Variants in GIPC2 observed in about 807,000 individuals in gnomAD.
GIPC2 encodes the protein PDZ domain-containing protein GIPC2.
GIPC2 carries 30 observed loss-of-function variants against 30.6 expected under a neutral mutation model. That is an observed-to-expected ratio of 0.98 (90% CI 0.73 to 1.33). GIPC2 has a LOEUF of 1.33. GIPC2 is among the 40% of genes most tolerant of loss of function. GIPC2 has a pLI of 0.00. For missense variants in GIPC2, 414 were observed against 390.3 expected, an observed-to-expected ratio of 1.06 and a Z score of -0.51; for synonymous variants, 167 against 150.0, an observed-to-expected ratio of 1.11 and a Z score of -0.83.
chr1:78,093,299 G>T (rs1571502753), intron 2 of GIPC2, among the ~76,000 whole-genome samples: 4 of 152,230 alleles, frequency 2.6e-5, no homozygotes, highest in Admixed American at 2.6e-4. Flanking sequence ...GTTGTACTGA[G>T]TGATTCCCAT....
intron 3 of GIPC2, among the ~76,000 whole-genome samples, chr1:78,110,562 T>G (rs1662448565): frequency 6.6e-6 from 1 of 152,190 alleles, no homozygotes; most frequent in Admixed American, 6.5e-5. Context: ...CAGGTAACCC[T>G]GTGAGTAGAA....
At chr1:78,105,615 A>G (rs1437760324) in intron 3 of GIPC2, among the ~76,000 whole-genome samples, 1 of 152,132 alleles carries the variant, frequency 6.6e-6, no homozygotes, top group Non-Finnish European at 1.5e-5. Context: ...AGGACCATTT[A>G]GAGTTAATAA....
At position 78,115,967 on chromosome 1, in the gene GIPC2, A is replaced by G. The variant is rs888713213; in HGVS notation, c.608-3426A>G. Among the ~76,000 whole-genome samples the G allele has an allele frequency of 3.9e-5, 6 of 152,232 alleles. No homozygotes were observed. In the South Asian group the frequency reaches 1.0e-3, roughly 26 times the overall value. On this transcript the variant is annotated intron_variant, in intron 3 of 5. Transcript: ENST00000370759. ...CAGTACTTGGCTGAAGATGGGAATT[A>G]TCCTGGTTTATTAGTCTGTTCTCAC...
At chr1:78,063,522 A>G (rs1290258153) in intron 1 of GIPC2, among the ~76,000 whole-genome samples, 2 of 151,758 alleles carry the variant, frequency 1.3e-5, no homozygotes, top group South Asian at 2.1e-4. Flanking sequence ...AAACCAAAAC[A>G]AAAAACATGA....
chr1:78,058,035 T>G (rs1661328157), intron 1 of GIPC2, among the ~76,000 whole-genome samples: 1 of 152,210 alleles, frequency 6.6e-6, no homozygotes, highest in Non-Finnish European at 1.5e-5. Flanking sequence ...GTTTATACTT[T>G]TTGCTGGAAA....
chr1:78,124,123 T>G (rs896413640), intron 4 of GIPC2, among the ~76,000 whole-genome samples: 1 of 152,198 alleles, frequency 6.6e-6, no homozygotes, highest in Non-Finnish European at 1.5e-5. Flanking sequence ...AGTTGAGTAG[T>G]TAACATCTTT....
chr1:78,094,923 A>G (rs1662108166), intron 2 of GIPC2, 29 bp from the exon 3 acceptor site: 1 of 1,451,702 alleles, frequency 6.9e-7, no homozygotes, highest in South Asian at 1.2e-5. Context: ...GTTCTATTTT[A>G]TATTATGTTA....
chr1:78,134,008 C>G lies in GIPC2; in HGVS notation c.797-1584C>G, dbSNP rs189533560. Among the ~76,000 whole-genome samples, 5 of 152,194 alleles carry G rather than the reference C, an allele frequency of 3.3e-5. No individual in the cohort carries two copies. The East Asian group carries it at 5.8e-4, about 18-fold the overall frequency. On this transcript the variant is annotated intron_variant, in intron 5 of 5. Transcript: ENST00000370759. ...TGGTTCATATTGCACTTTGCCTGCT[C>G]TAGCCCTGGAATCTGCCATTTTTCT... is the stretch of plus-strand genomic sequence containing the variant.
intron 1 of GIPC2, among the ~76,000 whole-genome samples, chr1:78,073,060 C>T (rs1241564419): frequency 6.6e-5 from 10 of 151,188 alleles, no homozygotes; most frequent in East Asian, 1.9e-4. Context: ...CCGCCTGCCT[C>T]GGCCTCCCAA....
At chr1:78,101,188 G>A (rs1181281209) in intron 3 of GIPC2, among the ~76,000 whole-genome samples, 1 of 152,102 alleles carries the variant, frequency 6.6e-6, no homozygotes, top group Admixed American at 6.6e-5. Context: ...GGCCAGACAT[G>A]GAGGACCTGG....
chr1:78,081,776 C>T (rs1267803386), intron 2 of GIPC2, among the ~76,000 whole-genome samples: 1 of 152,140 alleles, frequency 6.6e-6, no homozygotes, highest in South Asian at 2.1e-4. Flanking sequence ...AATGCATGTA[C>T]TAGGCACTTT....
At chr1:78,098,602 T>C (rs1186747175) in intron 3 of GIPC2, among the ~76,000 whole-genome samples, 1 of 152,184 alleles carries the variant, frequency 6.6e-6, no homozygotes, top group African/African-American at 2.4e-5. Flanking sequence ...GAGGAGCTCA[T>C]GGTCTAACAG....
At chr1:78,072,191 G>A (rs941886286) in intron 1 of GIPC2, among the ~76,000 whole-genome samples, 2 of 152,210 alleles carry the variant, frequency 1.3e-5, no homozygotes, top group African/African-American at 4.8e-5. Context: ...ACATATGAAA[G>A]TAGCTGGTAC....
chr1:78,103,296 C>CTTAGGTTTGAG (rs1398102531), intron 3 of GIPC2, among the ~76,000 whole-genome samples: 6 of 152,226 alleles, frequency 3.9e-5, no homozygotes, highest in African/African-American at 1.2e-4. Context: ...AGAGCATAGA[C>CTTAGGTTTGAG]TGTGAGCTCA....
chr1:78,126,308 G>C lies in GIPC2; in HGVS notation c.796+346G>C, dbSNP rs562361667. Among the ~76,000 whole-genome samples the C allele has an allele frequency of 1.1e-3, 175 of 152,260 alleles. 1 individual carries two copies. Among genetic ancestry groups the C allele is most frequent in the Non-Finnish European group, 2.2e-3 (147 of 68,024 alleles). On this transcript the variant is annotated intron_variant, in intron 5 of 5. Coordinates refer to ENST00000370759, the MANE Select transcript of GIPC2 (RefSeq NM_017655.6). ...CATTATTATTTGATATATCAGAAGT[G>C]CATTGATTGAATTGCACCCTTTAAC...
At chr1:78,133,839 A>G (rs893789089) in intron 5 of GIPC2, among the ~76,000 whole-genome samples, 1 of 151,314 alleles carries the variant, frequency 6.6e-6, no homozygotes, top group Non-Finnish European at 1.5e-5. Flanking sequence ...CTGGAGTTAT[A>G]ATATATTACC....
chr1:78,112,097 AT>A (rs895521659), intron 3 of GIPC2, among the ~76,000 whole-genome samples: 1 of 152,234 alleles, frequency 6.6e-6, no homozygotes, highest in Non-Finnish European at 1.5e-5. Flanking sequence ...GCCAGATAAT[AT>A]GCTTTTGAGA....
chr1:78,070,343 A>G (rs752588799), intron 1 of GIPC2, among the ~76,000 whole-genome samples: 2 of 152,196 alleles, frequency 1.3e-5, no homozygotes, highest in Non-Finnish European at 2.9e-5. Context: ...TTAATGTTAA[A>G]CAAGAGGAGG....
At chr1:78,118,979 A>AT (rs565913733) in intron 3 of GIPC2, among the ~76,000 whole-genome samples, 79 of 149,776 alleles carry the variant, frequency 5.3e-4, no homozygotes, top group African/African-American at 1.1e-3. Context: ...TTTCCTTTAA[A>AT]TTTTTTTTTT....
Sources: allele counts gnomAD v4.1 joint callset (sites outside exome capture counted in the v4.1 genomes callset), GRCh38; gene constraint gnomAD v4.1.1; transcripts MANE v1.5; gene names NCBI Gene and HGNC (gene_info 2026-07-23, HGNC 2026-07-21).